Variants in SGCD observed in about 807,000 individuals in gnomAD.
The protein encoded by SGCD is delta-sarcoglycan.
A neutral mutation model predicts 36.6 loss-of-function variants in SGCD; 18 were observed. The ratio of observed to expected loss-of-function variants is 0.49; its 90% CI spans 0.34 to 0.73. The LOEUF is 0.73. Ranked by LOEUF, SGCD falls within the 30% of genes least tolerant of loss-of-function variation. The pLI is 0.01. For missense variants in SGCD, 387 were observed against 346.7 expected, an observed-to-expected ratio of 1.12 and a Z score of -0.92; for synonymous variants, 133 against 130.6, an observed-to-expected ratio of 1.02 and a Z score of -0.12.
intron 1 of SGCD, among the ~76,000 whole-genome samples, chr5:156,094,474 T>C (rs1485040060): frequency 6.6e-6 from 1 of 152,196 alleles, no homozygotes; most frequent in Admixed American, 6.5e-5. Flanking sequence ...AAGCCTGGCA[T>C]TATGGTATTT....
At chr5:156,542,907 A>G (rs1004800775) in intron 4 of SGCD, among the ~76,000 whole-genome samples, 3 of 152,214 alleles carry the variant, frequency 2.0e-5, no homozygotes, top group Admixed American at 6.5e-5. Context: ...GCACCCCTTC[A>G]TAGTCTTTTG....
chr5:156,538,079 C>T (rs1288094931), intron 4 of SGCD, among the ~76,000 whole-genome samples: 1 of 150,562 alleles, frequency 6.6e-6, no homozygotes, highest in East Asian at 2.0e-4. Context: ...TCTCAGAGCC[C>T]CAGAGTCTCT....
chr5:156,626,110 C>G (rs1459858429), intron 6 of SGCD, among the ~76,000 whole-genome samples: 1 of 152,146 alleles, frequency 6.6e-6, no homozygotes, highest in African/African-American at 2.4e-5. Flanking sequence ...TCCTACAGTG[C>G]ACAAGACAGC....
chr5:156,078,367 G>A (rs906459018), intron 1 of SGCD, among the ~76,000 whole-genome samples: 91 of 151,162 alleles, frequency 6.0e-4, no homozygotes, highest in African/African-American at 1.9e-3. Context: ...TACAAAATTC[G>A]CCGGATGTGG....
chr5:156,222,482 G>A (rs951783756), intron 3 of SGCD, among the ~76,000 whole-genome samples: 1 of 151,986 alleles, frequency 6.6e-6, no homozygotes, highest in Non-Finnish European at 1.5e-5. Flanking sequence ...CTTTTACGGC[G>A]ATTATACTGT....
chr5:156,406,816 A>G lies in SGCD; in HGVS notation c.192+62139A>G, dbSNP rs866114121. Among the ~76,000 whole-genome samples the G allele has an allele frequency of 2.5e-3, 296 of 117,004 alleles. 11 individuals are homozygous for G. Among genetic ancestry groups the G allele is most frequent in the African/African-American group, 9.9e-3 (284 of 28,574 alleles). The allele number at this position is 117,004 out of a possible 152,430, so 76.8% of individuals were successfully genotyped here. A position where few individuals can be genotyped will look rare whatever the true frequency, so the allele number is the denominator to read the frequency against. On this transcript the variant is annotated intron_variant, in intron 3 of 8. Coordinates refer to ENST00000337851, the MANE Select transcript of SGCD (RefSeq NM_000337.6). ...TATATATATATATATATATATATAT[A>G]TATACACACACACACACACACACAC...
chr5:156,113,829 C>G (rs1445020605), intron 1 of SGCD, among the ~76,000 whole-genome samples: 1 of 151,960 alleles, frequency 6.6e-6, no homozygotes, highest in African/African-American at 2.4e-5. Context: ...TTATTCTGTG[C>G]TAAGAAGAAA....
chr5:156,111,223 G>A (rs1761777905), intron 1 of SGCD, among the ~76,000 whole-genome samples: 1 of 152,098 alleles, frequency 6.6e-6, no homozygotes, highest in African/African-American at 2.4e-5. Context: ...TATTCTCAAG[G>A]CACTAAGACG....
intron 1 of SGCD, among the ~76,000 whole-genome samples, chr5:155,886,511 CGT>C (rs1215610850): frequency 6.7e-6 from 1 of 149,692 alleles, no homozygotes; most frequent in African/African-American, 2.5e-5. Context: ...CGCGCGCGTG[CGT>C]GTGTGTGTGC....
intron 3 of SGCD, among the ~76,000 whole-genome samples, chr5:156,308,001 A>C (rs1767273370): frequency 6.6e-6 from 1 of 152,192 alleles, no homozygotes; most frequent in Non-Finnish European, 1.5e-5. Context: ...ATCATGTAGG[A>C]AACAAAAAAT....
chr5:156,421,084 A>C (rs1272449472), intron 3 of SGCD, among the ~76,000 whole-genome samples: 1 of 152,118 alleles, frequency 6.6e-6, no homozygotes, highest in Non-Finnish European at 1.5e-5. Context: ...AAATAAATAA[A>C]TACATAAATA....
intron 3 of SGCD, among the ~76,000 whole-genome samples, chr5:156,305,412 G>A (rs781600623): frequency 6.6e-6 from 1 of 152,186 alleles, no homozygotes; most frequent in African/African-American, 2.4e-5. Context: ...TTTCATGTGA[G>A]GTTGGGCCTG....
chr5:156,436,345 T>A (rs1753244912), intron 3 of SGCD, among the ~76,000 whole-genome samples: 1 of 152,210 alleles, frequency 6.6e-6, no homozygotes, highest in South Asian at 2.1e-4. Flanking sequence ...CAAGATGTAT[T>A]TGTTGAATGA....
chr5:155,968,543 T>C (rs1483664668), intron 1 of SGCD, among the ~76,000 whole-genome samples: 4 of 151,990 alleles, frequency 2.6e-5, no homozygotes, highest in African/African-American at 9.7e-5. Context: ...AGTTATTCTT[T>C]TATTAATTAT....
intron 4 of SGCD, among the ~76,000 whole-genome samples, chr5:156,547,061 T>G (rs1758603660): frequency 6.6e-6 from 1 of 152,224 alleles, no homozygotes; most frequent in African/African-American, 2.4e-5. Flanking sequence ...TTGAAGTAGT[T>G]GTATTTGTTT....
At chr5:156,091,012 T>G (rs1368357476) in intron 1 of SGCD, among the ~76,000 whole-genome samples, 1 of 152,238 alleles carries the variant, frequency 6.6e-6, no homozygotes, top group Non-Finnish European at 1.5e-5. Context: ...TTTGTTTGAT[T>G]GTTCAAACAC....
intron 6 of SGCD, among the ~76,000 whole-genome samples, chr5:156,608,996 C>G (rs1465199614): frequency 6.6e-6 from 1 of 152,086 alleles, no homozygotes; most frequent in Non-Finnish European, 1.5e-5. Context: ...GACTCTTTAT[C>G]CAATTTGCCA....
At chr5:156,029,954 G>C (rs111264270) in intron 1 of SGCD, among the ~76,000 whole-genome samples, 80 of 152,180 alleles carry the variant, frequency 5.3e-4, no homozygotes, top group East Asian at 4.8e-3. Flanking sequence ...CCTTCGCCAA[G>C]CCCTCCAGCC....
intron 4 of SGCD, among the ~76,000 whole-genome samples, chr5:156,517,601 C>G (rs1757231674): frequency 6.6e-6 from 1 of 152,072 alleles, no homozygotes. Context: ...AAGAAAGGTT[C>G]AGGCCACCTA....
Sources: allele counts gnomAD v4.1 joint callset (sites outside exome capture counted in the v4.1 genomes callset), GRCh38; gene constraint gnomAD v4.1.1; transcripts MANE v1.5; gene names NCBI Gene and HGNC (gene_info 2026-07-23, HGNC 2026-07-21).